Variants in TAFA1 observed in about 807,000 individuals in gnomAD.
TAFA1 encodes the protein chemokine-like protein TAFA-1.
TAFA1 carries 4 observed loss-of-function variants against 18.5 expected under a neutral mutation model. The observed-to-expected ratio is 0.22, with a 90% confidence interval of 0.11 to 0.49. TAFA1 has a LOEUF of 0.49. Among genes scored for constraint, TAFA1 ranks in the 20% least tolerant of loss-of-function variants. The pLI, the probability that TAFA1 is intolerant of heterozygous loss-of-function variation, is 0.98. For synonymous variants in TAFA1, 56 were observed against 55.2 expected, an observed-to-expected ratio of 1.01 and a Z score of -0.06; for missense variants, 147 against 169.0, an observed-to-expected ratio of 0.87 and a Z score of 0.72.
At chr3:68,279,081 G>A (rs1248327103) in intron 2 of TAFA1, among the ~76,000 whole-genome samples, 1 of 152,138 alleles carries the variant, frequency 6.6e-6, no homozygotes, top group African/African-American at 2.4e-5. Context: ...CCACTACTAT[G>A]CAGAGTTGGT....
chr3:68,027,950 A>G (rs926685734), intron 2 of TAFA1, among the ~76,000 whole-genome samples: 1 of 152,162 alleles, frequency 6.6e-6, no homozygotes, highest in Non-Finnish European at 1.5e-5. Context: ...GGCTTCTTAC[A>G]TATGTAACCT....
intron 2 of TAFA1, among the ~76,000 whole-genome samples, chr3:68,328,437 A>C (rs1381749961): frequency 6.6e-6 from 1 of 152,230 alleles, no homozygotes; most frequent in Non-Finnish European, 1.5e-5. Context: ...AGTAGTTATT[A>C]CACAGTTTTG....
intron 2 of TAFA1, among the ~76,000 whole-genome samples, chr3:68,382,904 T>A (rs1302670650): frequency 6.6e-6 from 1 of 152,008 alleles, no homozygotes; most frequent in East Asian, 1.9e-4. Flanking sequence ...TATAGTTCTT[T>A]CTGTAAAGAT....
At chr3:68,193,473 T>C (rs1238522688) in intron 2 of TAFA1, among the ~76,000 whole-genome samples, 1 of 151,700 alleles carries the variant, frequency 6.6e-6, no homozygotes, top group Non-Finnish European at 1.5e-5. Context: ...AACAGAAAAG[T>C]CAGATGTCTC....
At chr3:68,058,156 T>G (rs2064558690) in intron 2 of TAFA1, among the ~76,000 whole-genome samples, 1 of 152,202 alleles carries the variant, frequency 6.6e-6, no homozygotes, top group South Asian at 2.1e-4. Context: ...AATAATCTAG[T>G]TAGTGAAATC....
chr3:68,472,075 T>TGG (rs2072005995), intron 3 of TAFA1, among the ~76,000 whole-genome samples: 1 of 152,016 alleles, frequency 6.6e-6, no homozygotes, highest in Non-Finnish European at 1.5e-5. Flanking sequence ...ACATGAGATT[T>TGG]GGGGGGGACC....
chr3:68,349,596 G>T (rs1203934063), intron 2 of TAFA1, among the ~76,000 whole-genome samples: 1 of 152,072 alleles, frequency 6.6e-6, no homozygotes, highest in Non-Finnish European at 1.5e-5. Context: ...GCAGCAAGTT[G>T]TACCTGGAAA....
chr3:68,533,691 C>G (rs2073226798), intron 3 of TAFA1, among the ~76,000 whole-genome samples: 1 of 152,112 alleles, frequency 6.6e-6, no homozygotes, highest in African/African-American at 2.4e-5. Context: ...GATTTCTACT[C>G]CTGTCTTTGT....
At position 68,119,241 on chromosome 3, in the gene TAFA1, C is replaced by T. The variant is rs191212421; in HGVS notation, c.118+112497C>T. On this transcript the variant is annotated intron_variant, in intron 2 of 4. Transcript: ENST00000478136. The stretch of plus-strand genomic sequence containing the variant: ...ATCAAGCTGTTTGGTTTTGTTGTTG[C>T]TGTTGTTGAACAGTAGGAGTATTTT... Among the ~76,000 whole-genome samples, 111 of 152,134 alleles carry T rather than the reference C, an allele frequency of 7.3e-4. 1 individual carries two copies. The highest frequency in any genetic ancestry group is 2.5e-3 in the African/African-American group (103 of 41,528).
chr3:68,068,703 G>T (rs546723465), intron 2 of TAFA1, among the ~76,000 whole-genome samples: 2 of 152,178 alleles, frequency 1.3e-5, no homozygotes, highest in South Asian at 4.1e-4. Flanking sequence ...ATGTGTTATG[G>T]TTCTAGTAGC....
At position 68,439,412 on chromosome 3, in the gene TAFA1, C is replaced by CATACATATATATATATAT. The variant is rs1264523262; in HGVS notation, c.259+21995_259+21996insCATATATATATATATATA. Among the ~76,000 whole-genome samples the CATACATATATATATATAT allele has an allele frequency of 5.5e-3, 404 of 73,268 alleles. 7 individuals carry two copies. Among genetic ancestry groups the CATACATATATATATATAT allele is most frequent in the African/African-American group, 0.021 (298 of 13,934 alleles). 48.1% of individuals were successfully genotyped at this position (73,268 alleles called of 152,430 possible). Reference sequence around the variant, plus strand: ...AGAAGTAATAGAATATATATACATACATATATATATATATATATATATATA... The same window carrying CATACATATATATATATAT: ...AGAAGTAATAGAATATATATACATACATACATATATATATATATATATATATATATATATATATATATA... On this transcript the variant is annotated intron_variant, in intron 3 of 4. Coordinates refer to ENST00000478136, the MANE Select transcript of TAFA1 (RefSeq NM_213609.4).
At chr3:68,402,277 G>C (rs144107741) in intron 2 of TAFA1, among the ~76,000 whole-genome samples, 1 of 152,176 alleles carries the variant, frequency 6.6e-6, no homozygotes, top group Admixed American at 6.5e-5. Flanking sequence ...CCTGGAGAGG[G>C]TCTGTTAAGG....
At chr3:68,071,189 G>A (rs556808306) in intron 2 of TAFA1, among the ~76,000 whole-genome samples, 1 of 152,236 alleles carries the variant, frequency 6.6e-6, no homozygotes, top group East Asian at 1.9e-4. Flanking sequence ...ACAGTTCCAT[G>A]TGGCTGAGGA....
chr3:68,398,813 A>ATCAAAGGCTTCACAAGGGCT (rs1311879633), intron 2 of TAFA1, among the ~76,000 whole-genome samples: 1 of 152,190 alleles, frequency 6.6e-6, no homozygotes, highest in East Asian at 1.9e-4. Context: ...TTGACATCTA[A>ATCAAAGGCTTCACAAGGGCT]TCAAAGAAGA....
chr3:68,055,954 A>G (rs975634588), intron 2 of TAFA1, among the ~76,000 whole-genome samples: 2 of 152,242 alleles, frequency 1.3e-5, no homozygotes, highest in African/African-American at 2.4e-5. Context: ...CTGGCTTTCC[A>G]TACTGAACCC....
intron 2 of TAFA1, among the ~76,000 whole-genome samples, chr3:68,168,555 A>G (rs1432484593): frequency 6.6e-6 from 1 of 152,194 alleles, no homozygotes; most frequent in Admixed American, 6.5e-5. Flanking sequence ...TAGGAGTTGA[A>G]ATCCAGAAAT....
chr3:68,046,594 G>A (rs1468780029), intron 2 of TAFA1, among the ~76,000 whole-genome samples: 1 of 152,120 alleles, frequency 6.6e-6, no homozygotes, highest in Non-Finnish European at 1.5e-5. Flanking sequence ...ATTCTTTGAT[G>A]ATAAATATTG....
rs563682344 is a variant in TAFA1 at position 68,048,757 on chromosome 3, C to A, written c.118+42013C>A. On this transcript the variant is annotated intron_variant, in intron 2 of 4. Coordinates refer to ENST00000478136, the MANE Select transcript of TAFA1 (RefSeq NM_213609.4). ...TTATTTCATTTAACATAATAACCTCCCATTCCATTGATGTTGCTGCAAATG... is the reference window on the plus strand; with the variant it reads ...TTATTTCATTTAACATAATAACCTCACATTCCATTGATGTTGCTGCAAATG... 5.3e-5 allele frequency among the ~76,000 whole-genome samples: 8 copies of A among 152,144 alleles called. No homozygotes were observed. In the South Asian group the frequency reaches 1.7e-3, roughly 32 times the overall value.
rs866242303 is a variant in TAFA1 at position 68,039,451 on chromosome 3, G to T, written c.118+32707G>T. 6.4e-4 allele frequency among the ~76,000 whole-genome samples: 98 copies of T among 152,048 alleles called. No individual in the cohort carries two copies. The Middle Eastern group carries it at 0.044, about 69-fold the overall frequency. On this transcript the variant is annotated intron_variant, in intron 2 of 4. Transcript: ENST00000478136. ...TTGAGTCTTTTTAGGTCGTTTCTAG[G>T]CTTTTATATAATATATATGCACTAA...
Sources: allele counts gnomAD v4.1 joint callset (sites outside exome capture counted in the v4.1 genomes callset), GRCh38; gene constraint gnomAD v4.1.1; transcripts MANE v1.5; gene names NCBI Gene and HGNC (gene_info 2026-07-23, HGNC 2026-07-21).